RP1: variants seen among roughly 807,000 people sequenced by gnomAD.
RP1 encodes the protein RP1 axonemal microtubule associated.
In RP1, 16 loss-of-function variants were observed where a neutral mutation model predicts 14.8. The observed-to-expected ratio is 1.08, with a 90% CI of 0.73 to 1.65. The LOEUF is 1.65. Ranked by LOEUF, RP1 falls within the 40% of genes most tolerant of loss-of-function variation. The probability of loss-of-function intolerance (pLI) is 0.00; values close to 1 mark genes in which losing one functional copy is unlikely to be tolerated. For missense variants in RP1, 2,631 were observed against 2,535.0 expected, an observed-to-expected ratio of 1.04 and a Z score of -0.81; for synonymous variants, 876 against 883.6, an observed-to-expected ratio of 0.99 and a Z score of 0.15.
chr8:54,769,021 G>T (rs964855697), intron 22 of RP1, among the ~76,000 whole-genome samples: 1 of 151,378 alleles, frequency 6.6e-6, no homozygotes, highest in Non-Finnish European at 1.5e-5. Context: ...TCAGCCTCCT[G>T]AGTAGCTGGG....
chr8:54,601,840 A>T (rs1396486722), intron 1 of RP1, among the ~76,000 whole-genome samples: 2 of 152,254 alleles, frequency 1.3e-5, no homozygotes, highest in African/African-American at 4.8e-5. Context: ...AAAAGATCAC[A>T]TATGGCATGA....
intron 1 of RP1, chr8:54,561,611 G>A (rs562733298): frequency 6.6e-6 from 1 of 152,316 alleles, no homozygotes; most frequent in East Asian, 1.9e-4. Context: ...GAACATCACA[G>A]ATGGTCAGCT....
At chr8:54,639,524 C>T (rs750069079) in intron 3 of RP1, among the ~76,000 whole-genome samples, 1 of 152,080 alleles carries the variant, frequency 6.6e-6, no homozygotes, top group Non-Finnish European at 1.5e-5. Context: ...TTTTGTATCC[C>T]TACCAACAAT....
chr8:54,660,871 T>G (rs564507505), intron 6 of RP1, among the ~76,000 whole-genome samples: 97 of 152,168 alleles, frequency 6.4e-4, no homozygotes, highest in Non-Finnish European at 1.1e-3. Flanking sequence ...AGTTCTTACA[T>G]GGAAAATAAA....
intron 21 of RP1, among the ~76,000 whole-genome samples, chr8:54,756,797 C>T (rs933852887): frequency 3.3e-5 from 5 of 152,140 alleles, no homozygotes; most frequent in African/African-American, 9.7e-5. Flanking sequence ...TAGTTGGCTG[C>T]CAGCATGTAT....
chr8:54,629,997 A>C lies in RP1; in HGVS notation c.6115A>C (p.Thr2039Pro). Residue 2039 changes from threonine (T) to proline (P), a missense_variant, in exon 4 of 4, where the codon ACA (threonine) becomes CCA (proline). Thr to Pro is a conservative substitution (Grantham distance 38, BLOSUM62 -1). Transcript: ENST00000220676. The part of the protein sequence containing the change: ...KERFCMNFLH[T>P]SLLVVGNVDS... ...AAGGTTTTGTATGAATTTCTTGCAC[A>C]CATCATTGTTAGTTGTGGGTAATGT... 1 of 1,614,054 alleles carries C rather than the reference A, an allele frequency of 6.2e-7. No homozygotes were observed. Among genetic ancestry groups the C allele is most frequent in the Non-Finnish European group, 8.5e-7 (1 of 1,179,964 alleles).
At chr8:54,768,884 T>A (rs1372790073) in intron 22 of RP1, among the ~76,000 whole-genome samples, 3 of 151,824 alleles carry the variant, frequency 2.0e-5, no homozygotes, top group Non-Finnish European at 4.4e-5. Context: ...TTCACCAACT[T>A]TATGGTTATA....
At chr8:54,752,426 C>T (rs1260012200) in intron 19 of RP1, among the ~76,000 whole-genome samples, 14 of 152,162 alleles carry the variant, frequency 9.2e-5, no homozygotes, top group African/African-American at 3.4e-4. Flanking sequence ...CCATGCAGTT[C>T]GAAAACCGTC....
intron 24 of RP1, among the ~76,000 whole-genome samples, chr8:54,815,752 T>C (rs546143199): frequency 6.6e-6 from 1 of 152,290 alleles, no homozygotes; most frequent in South Asian, 2.1e-4. Flanking sequence ...ACCAGGCCGA[T>C]ATTTTAGATT....
chr8:54,725,319 G>T (rs1005117660), intron 16 of RP1, among the ~76,000 whole-genome samples: 1 of 151,506 alleles, frequency 6.6e-6, no homozygotes, highest in Non-Finnish European at 1.5e-5. Context: ...CTTTATTATC[G>T]ATTTTTAGTG....
At chr8:54,750,827 A>C (rs72650360) in intron 19 of RP1, among the ~76,000 whole-genome samples, 4 of 152,218 alleles carry the variant, frequency 2.6e-5, no homozygotes, top group Non-Finnish European at 5.9e-5. Flanking sequence ...GGTCTGTAAA[A>C]CGCACCAATC....
At chr8:54,582,899 G>A (rs1230740037) in intron 1 of RP1, among the ~76,000 whole-genome samples, 2 of 152,202 alleles carry the variant, frequency 1.3e-5, no homozygotes, top group East Asian at 3.8e-4. Flanking sequence ...GAGATTTGGG[G>A]CTGAGAGGAT....
chr8:54,627,398 C>G lies in RP1; in HGVS notation c.3516C>G (p.Ile1172Met). Residue 1172 changes from isoleucine (I) to methionine (M), a missense_variant, in exon 4 of 4, where the codon ATC becomes ATG. Ile to Met is a conservative substitution (Grantham distance 10). Transcript: ENST00000220676. ...TGGAGATTCTAAAGCACATAGCTATCACAGAGGAAGCTGATGACTTGAAAG... is the reference window on the plus strand; with the variant it reads ...TGGAGATTCTAAAGCACATAGCTATGACAGAGGAAGCTGATGACTTGAAAG... ...ALLEILKHIAITEEADDLKAA... is the reference protein window; with the variant it reads ...ALLEILKHIAMTEEADDLKAA... 1.2e-6 allele frequency: 2 copies of G among 1,614,134 alleles called. No individual in the cohort carries two copies. The highest frequency in any genetic ancestry group is 1.7e-6 in the Non-Finnish European group (2 of 1,179,988).
At chr8:54,580,300 C>CTTTTTTT (rs906806636) in intron 1 of RP1, among the ~76,000 whole-genome samples, 7 of 80,174 alleles carry the variant, frequency 8.7e-5, no homozygotes, top group East Asian at 4.6e-4. Flanking sequence ...TCGTAGACTT[C>CTTTTTTT]TTTTTTTTTT....
chr8:54,575,243 A>C (rs1461875438), intron 1 of RP1, among the ~76,000 whole-genome samples: 1 of 152,182 alleles, frequency 6.6e-6, no homozygotes, highest in East Asian at 1.9e-4. Context: ...GATGATCTGG[A>C]AGCTGTGAAG....
chr8:54,625,792 C>G lies in RP1; in HGVS notation c.1910C>G (p.Thr637Ser). The G allele has an allele frequency of 6.2e-7, 1 of 1,613,436 alleles. No individual in the cohort carries two copies. The highest frequency in any genetic ancestry group is 1.1e-5 in the South Asian group (1 of 91,078). The change falls in exon 4 of 4, where the codon ACT becomes AGT. Residue 637 changes from threonine to serine, a missense_variant. Transcript: ENST00000220676. ...SEAPASEASS[T>S]VTARIDRLIN... The stretch of plus-strand genomic sequence containing the variant: ...GCTCCAGCTTCAGAAGCATCCTCTA[C>G]TGTCACTGCAAGAATTGACAGACTA...
chr8:54,649,207 T>C (rs2129325196), intron 4 of RP1: 1 of 1,282,628 alleles, frequency 7.8e-7, no homozygotes, highest in South Asian at 2.0e-5. Context: ...GTAGGTACTT[T>C]GGAATGAACA....
Position 54,629,925 on chromosome 8 carries a change from T to C in RP1, c.6043T>C (p.Leu2015=), listed in dbSNP as rs564070648. The change falls in exon 4 of 4, where the codon TTA becomes CTA. Residue 2015 remains leucine, a synonymous_variant. Transcript: ENST00000220676. ...RKQKRINFLG[L]EEEGNLKKFQ... ...ACAAAAAAGAATTAACTTCTTGGGG[T>C]TAGAGGAAGAAGGTAATTTAAAGAA... 1.2e-6 allele frequency: 2 copies of C among 1,613,858 alleles called. No individual in the cohort carries two copies. Among genetic ancestry groups the C allele is most frequent in the South Asian group, 2.2e-5 (2 of 91,070 alleles).
intron 16 of RP1, among the ~76,000 whole-genome samples, chr8:54,726,075 GTTGT>G (rs1274899732): frequency 6.6e-6 from 1 of 152,160 alleles, no homozygotes; most frequent in Non-Finnish European, 1.5e-5. Context: ...TTTTGAATAA[GTTGT>G]TTGATTCATA....
Sources: gnomAD v4.1 joint callset for allele counts (sites outside exome capture counted in the v4.1 genomes callset) on GRCh38, gnomAD v4.1.1 for gene constraint, MANE v1.5 for transcripts, NCBI Gene and HGNC (gene_info 2026-07-23, HGNC 2026-07-21) for gene names.